Variants in USP34 observed in about 807,000 individuals in gnomAD.
USP34 encodes the protein ubiquitin specific peptidase 34.
In USP34, 70 loss-of-function variants were observed where a neutral mutation model predicts 460.3. That is an observed-to-expected ratio of 0.15 (90% CI 0.13 to 0.19). The LOEUF is 0.19. Among genes scored for constraint, USP34 ranks in the 10% least tolerant of loss-of-function variants. The pLI, the probability that USP34 is intolerant of heterozygous loss-of-function variation, is 1.00. For synonymous variants in USP34, 1,647 were observed against 1,405.3 expected, an observed-to-expected ratio of 1.17 and a Z score of -3.85; for missense variants, 3,985 against 4,236.2, an observed-to-expected ratio of 0.94 and a Z score of 1.65.
intron 10 of USP34, among the ~76,000 whole-genome samples, chr2:61,368,285 AG>A (rs1485439379): frequency 2.0e-5 from 3 of 152,214 alleles, no homozygotes; most frequent in Non-Finnish European, 4.4e-5. Flanking sequence ...CACAAAAATT[AG>A]CTGGGCGTGG....
At chr2:61,188,838 A>C in intron 79 of USP34, 72 bp downstream of exon 79, 1 of 1,585,604 alleles carries the variant, frequency 6.3e-7, no homozygotes, top group Non-Finnish European at 8.6e-7. Flanking sequence ...CACAACTCTT[A>C]AACCAGTTAC....
At chr2:61,322,514 C>T (rs1452837631) in intron 21 of USP34, among the ~76,000 whole-genome samples, 1 of 152,152 alleles carries the variant, frequency 6.6e-6, no homozygotes, top group Non-Finnish European at 1.5e-5. Context: ...AACAAAACAT[C>T]CCAGGGATTT....
At chr2:61,236,283 TA>T (rs1688066600) in intron 54 of USP34, 41 bp downstream of exon 54, 1 of 1,589,614 alleles carries the variant, frequency 6.3e-7, no homozygotes, top group Admixed American at 1.8e-5. Context: ...AAGATTTTTT[TA>T]AAATGTGTAA....
intron 18 of USP34, among the ~76,000 whole-genome samples, chr2:61,336,619 G>A (rs988715008): frequency 6.6e-6 from 1 of 151,374 alleles, no homozygotes; most frequent in Non-Finnish European, 1.5e-5. Flanking sequence ...AGACCAGCCT[G>A]GCCAACGTGG....
intron 20 of USP34, among the ~76,000 whole-genome samples, chr2:61,325,755 C>T (rs1691067040): frequency 6.6e-6 from 1 of 152,008 alleles, no homozygotes; most frequent in Non-Finnish European, 1.5e-5. Context: ...AAGTATGTAA[C>T]ACACACATAA....
In USP34 at chr2:61,190,361, A is replaced by T; in HGVS notation, c.9783T>A (p.Leu3261=). ...GATACTGGCTTATCAAGTTTGTAAT[A>T]AGAGTGCTGATCAAATTGGCACAGT... ...EANCANLIST[L]ITNLISQYQN... The change falls in exon 78 of 80, where the codon CTT becomes CTA. Residue 3261 remains leucine (L), a synonymous_variant. Coordinates refer to ENST00000398571, the MANE Select transcript of USP34 (RefSeq NM_014709.4). 5 of 1,613,678 alleles carry T rather than the reference A, an allele frequency of 3.1e-6. No individual in the cohort carries two copies. The highest frequency in any genetic ancestry group is 4.2e-6 in the Non-Finnish European group (5 of 1,179,900).
chr2:61,438,611 CAAAAACAAAAACA>C (rs944871867), intron 1 of USP34, among the ~76,000 whole-genome samples: 1 of 50,522 alleles, frequency 2.0e-5, no homozygotes, highest in Non-Finnish European at 3.6e-5. Context: ...AAAAACAAAA[CAAAAACAAAAACA>C]AAAAAAAAAC....
chr2:61,238,085 G>C (rs764053524), intron 53 of USP34, among the ~76,000 whole-genome samples: 11 of 151,748 alleles, frequency 7.2e-5, no homozygotes, highest in Non-Finnish European at 1.5e-4. Context: ...TAGTAGAGAG[G>C]GGGTTTCATC....
intron 27 of USP34, among the ~76,000 whole-genome samples, chr2:61,305,333 TAC>T (rs1690369436): frequency 6.6e-6 from 1 of 151,380 alleles, no homozygotes; most frequent in African/African-American, 2.4e-5. Flanking sequence ...AAAAAAAATT[TAC>T]AGACATAAAC....
At chr2:61,249,912 T>C in intron 48 of USP34, 1 of 167,400 alleles carries the variant, frequency 6.0e-6, no homozygotes, top group Non-Finnish European at 1.3e-5. Flanking sequence ...CAGAAGATAC[T>C]AACAGAGCTG....
intron 53 of USP34, 147 bp downstream of exon 53, chr2:61,241,413 G>A: frequency 1.8e-6 from 1 of 549,922 alleles, no homozygotes; most frequent in Non-Finnish European, 3.1e-6. Context: ...TCTTATATCA[G>A]TATTACCAAG....
intron 1 of USP34, among the ~76,000 whole-genome samples, chr2:61,451,220 CAAA>C (rs70963432): frequency 1.2e-4 from 6 of 50,778 alleles, no homozygotes; most frequent in African/African-American, 2.0e-4. Flanking sequence ...GGCTTCATCT[CAAA>C]AAAAAAAAAA....
chr2:61,467,783 C>T (rs911300333), intron 1 of USP34, among the ~76,000 whole-genome samples: 1 of 151,798 alleles, frequency 6.6e-6, no homozygotes, highest in African/African-American at 2.4e-5. Context: ...CCACCACACC[C>T]GGCTAATTGG....
At chr2:61,380,566 G>C (rs1010745845) in intron 6 of USP34, among the ~76,000 whole-genome samples, 2 of 150,788 alleles carry the variant, frequency 1.3e-5, no homozygotes, top group African/African-American at 4.9e-5. Flanking sequence ...TCTTCCTCAA[G>C]GCCTGTAATG....
At chr2:61,342,561 C>G (rs1691639273) in intron 16 of USP34, among the ~76,000 whole-genome samples, 2 of 151,996 alleles carry the variant, frequency 1.3e-5, no homozygotes. Flanking sequence ...ATCTGCCCAC[C>G]TCAGCCTTCC....
chr2:61,237,540 G>C (rs191914056), intron 53 of USP34, among the ~76,000 whole-genome samples: 10 of 129,322 alleles, frequency 7.7e-5, no homozygotes, highest in African/African-American at 2.9e-4. Context: ...TATGTGTATA[G>C]CTATTTTCTG....
rs149354483 is a variant in USP34 at position 61,464,153 on chromosome 2, G to A, written c.43+6497C>T. 8.5e-5 allele frequency among the ~76,000 whole-genome samples: 13 copies of A among 152,154 alleles called. No homozygotes were observed. In the East Asian group the frequency reaches 1.6e-3, roughly 18 times the overall value. On this transcript the variant is annotated intron_variant, in intron 1 of 79. Coordinates refer to ENST00000398571, the MANE Select transcript of USP34 (RefSeq NM_014709.4). ...GGCCAAACTGGTGAAAATTAGTCTC[G>A]ACTAAAAATACAAACATTAGCTGGG...
At chr2:61,257,003 G>A in intron 46 of USP34, 49 bp downstream of exon 46, 1 of 1,418,528 alleles carries the variant, frequency 7.0e-7, no homozygotes, top group Non-Finnish European at 9.3e-7. Context: ...TAATATAAAT[G>A]AAAATATATT....
At chr2:61,431,552 G>A (rs1338774739) in intron 1 of USP34, among the ~76,000 whole-genome samples, 27 of 152,222 alleles carry the variant, frequency 1.8e-4, no homozygotes, top group Non-Finnish European at 1.5e-5. Flanking sequence ...TTAATAATCT[G>A]ACATTTTAGC....
Sources: allele counts gnomAD v4.1 joint callset (sites outside exome capture counted in the v4.1 genomes callset), GRCh38; gene constraint gnomAD v4.1.1; transcripts MANE v1.5; gene names NCBI Gene and HGNC (gene_info 2026-07-23, HGNC 2026-07-21).